Variants in KIAA0825 observed in about 807,000 individuals in gnomAD.
KIAA0825 encodes KIAA0825.
KIAA0825 carries 119 observed loss-of-function variants against 147.6 expected under a neutral mutation model. The observed-to-expected ratio is 0.81, with a 90% CI of 0.69 to 0.94. The LOEUF (loss-of-function observed/expected upper bound fraction) is 0.94, where lower values mean the gene tolerates loss of function less well. Among genes scored for constraint, KIAA0825 ranks in the 40% least tolerant of loss-of-function variants. The pLI is 0.00. For synonymous variants in KIAA0825, 470 were observed against 518.1 expected, an observed-to-expected ratio of 0.91 and a Z score of 1.26; for missense variants, 1,381 against 1,472.7, an observed-to-expected ratio of 0.94 and a Z score of 1.02.
At chr5:94,209,063 G>GA (rs1772462790) in intron 20 of KIAA0825, among the ~76,000 whole-genome samples, 1 of 152,100 alleles carries the variant, frequency 6.6e-6, no homozygotes, top group Admixed American at 6.6e-5. Context: ...CAAACTTTAA[G>GA]AAAAAACCCA....
intron 14 of KIAA0825, among the ~76,000 whole-genome samples, chr5:94,428,143 T>TGTGTG (rs1554278268): frequency 7.4e-6 from 1 of 134,498 alleles, no homozygotes; most frequent in Non-Finnish European, 1.6e-5. Context: ...TAAGGTCTTG[T>TGTGTG]TGTGTGTGTG....
Position 94,417,350 on chromosome 5 carries a change from G to T in KIAA0825, c.2513C>A (p.Thr838Lys). The change falls in exon 15 of 21, where the codon ACA becomes AAA. Residue 838 changes from threonine (T) to lysine (K), a missense_variant. Coordinates refer to ENST00000682413, the MANE Select transcript of KIAA0825 (RefSeq NM_001145678.3). ...GGGTCCTTGGTTCAGGTTATTTTCTGTGTCGGAAACTTGTTCTTGAAAGGT... is the reference window on the plus strand; with the variant it reads ...GGGTCCTTGGTTCAGGTTATTTTCTTTGTCGGAAACTTGTTCTTGAAAGGT... ...LLKSSKQVSDTENNLNQGPSL... is the reference protein window; with the variant it reads ...LLKSSKQVSDKENNLNQGPSL... The T allele has an allele frequency of 6.5e-7, 1 of 1,544,100 alleles. No homozygotes were observed. The highest frequency in any genetic ancestry group is 8.8e-7 in the Non-Finnish European group (1 of 1,140,924).
At chr5:94,161,161 G>A (rs1767547061) in intron 20 of KIAA0825, among the ~76,000 whole-genome samples, 1 of 152,118 alleles carries the variant, frequency 6.6e-6, no homozygotes, top group African/African-American at 2.4e-5. Context: ...TGGACAGTGC[G>A]ATAATCTCCA....
At chr5:94,410,335 A>G (rs1362670841) in intron 15 of KIAA0825, among the ~76,000 whole-genome samples, 1 of 152,174 alleles carries the variant, frequency 6.6e-6, no homozygotes, top group Non-Finnish European at 1.5e-5. Flanking sequence ...GACCTACGGG[A>G]CAATGCCAAG....
chr5:94,425,659 C>T (rs1371644465), intron 14 of KIAA0825, among the ~76,000 whole-genome samples: 2 of 152,010 alleles, frequency 1.3e-5, no homozygotes, highest in East Asian at 1.9e-4. Context: ...CCCATATGGT[C>T]GTTCTATTTT....
chr5:94,506,666 AC>A, intron 5 of KIAA0825, among the ~76,000 whole-genome samples: 1 of 152,192 alleles, frequency 6.6e-6, no homozygotes, highest in Non-Finnish European at 1.5e-5. Context: ...TATTAAATAT[AC>A]TTTTTAAAAA....
At chr5:94,263,790 C>G (rs189282534) in intron 20 of KIAA0825, among the ~76,000 whole-genome samples, 1 of 152,212 alleles carries the variant, frequency 6.6e-6, no homozygotes, top group Non-Finnish European at 1.5e-5. Flanking sequence ...AGCTTGGATA[C>G]GTCCACTTTT....
chr5:94,549,903 A>C (rs777137624), intron 2 of KIAA0825, among the ~76,000 whole-genome samples: 8 of 152,184 alleles, frequency 5.3e-5, no homozygotes, highest in Admixed American at 1.3e-4. Context: ...TAAAAAAAGA[A>C]ATAATAAACA....
At chr5:94,156,081 T>C (rs1767007346) in intron 20 of KIAA0825, among the ~76,000 whole-genome samples, 2 of 152,240 alleles carry the variant, frequency 1.3e-5, no homozygotes, top group Admixed American at 1.3e-4. Context: ...TTAAGCATTC[T>C]TTTAAACACT....
intron 20 of KIAA0825, among the ~76,000 whole-genome samples, chr5:94,351,736 A>G (rs1037675762): frequency 6.6e-6 from 1 of 152,236 alleles, no homozygotes; most frequent in South Asian, 2.1e-4. Flanking sequence ...TGGTACAAAA[A>G]TAGGCACATA....
At chr5:94,346,847 C>T (rs1470723534) in intron 20 of KIAA0825, among the ~76,000 whole-genome samples, 1 of 152,166 alleles carries the variant, frequency 6.6e-6, no homozygotes, top group Non-Finnish European at 1.5e-5. Flanking sequence ...ATCCAGCGTG[C>T]GTACTCCACA....
rs542384146 is a variant in KIAA0825 at position 94,194,917 on chromosome 5, C to T, written c.3711-40793G>A. ...GCTAACTCTAGCTAAGTATATACTGCACTGCATGTCAGGCACTGGGGTACT... is the reference window on the plus strand; with the variant it reads ...GCTAACTCTAGCTAAGTATATACTGTACTGCATGTCAGGCACTGGGGTACT... On this transcript the variant is annotated intron_variant, in intron 20 of 20. Transcript: ENST00000682413. 9.2e-5 allele frequency among the ~76,000 whole-genome samples: 14 copies of T among 152,318 alleles called. No homozygotes were observed. In the East Asian group the frequency reaches 2.7e-3, roughly 29 times the overall value.
intron 2 of KIAA0825, among the ~76,000 whole-genome samples, chr5:94,565,637 T>G (rs1778578109): frequency 6.6e-6 from 1 of 152,158 alleles, no homozygotes; most frequent in Non-Finnish European, 1.5e-5. Flanking sequence ...CCACCGCACC[T>G]GGCTGCAAAA....
intron 12 of KIAA0825, among the ~76,000 whole-genome samples, chr5:94,457,553 C>T (rs1202964654): frequency 6.6e-6 from 1 of 152,190 alleles, no homozygotes; most frequent in Non-Finnish European, 1.5e-5. Flanking sequence ...GCGTTAGCAT[C>T]GTAGGGCCTC....
intron 20 of KIAA0825, among the ~76,000 whole-genome samples, chr5:94,186,360 C>G (rs1354875811): frequency 6.6e-6 from 1 of 152,060 alleles, no homozygotes; most frequent in Non-Finnish European, 1.5e-5. Flanking sequence ...TATTGGTGTA[C>G]AAATGCCAAT....
At chr5:94,469,857 C>T (rs1056279013) in intron 10 of KIAA0825, 104 bp downstream of exon 10, 89 of 834,676 alleles carry the variant, frequency 1.1e-4, no homozygotes, top group Middle Eastern at 2.5e-4. Flanking sequence ...TAACAGCCTT[C>T]GGGTATTAGT....
chr5:94,235,486 A>G (rs1047391009), intron 20 of KIAA0825, among the ~76,000 whole-genome samples: 11 of 152,244 alleles, frequency 7.2e-5, no homozygotes, highest in African/African-American at 2.7e-4. Context: ...TTAAGGAAAG[A>G]AGCTGTTTCT....
At chr5:94,258,565 T>C (rs773857326) in intron 20 of KIAA0825, among the ~76,000 whole-genome samples, 3 of 152,000 alleles carry the variant, frequency 2.0e-5, no homozygotes, top group Non-Finnish European at 4.4e-5. Flanking sequence ...TAAAATAATA[T>C]ACACTTATAT....
chr5:94,361,818 C>T (rs1257585491), intron 20 of KIAA0825, among the ~76,000 whole-genome samples: 1 of 152,154 alleles, frequency 6.6e-6, no homozygotes, highest in Non-Finnish European at 1.5e-5. Context: ...TCAGACCTGC[C>T]AGTTCAGAGC....
Sources: gnomAD v4.1 joint callset for allele counts (sites outside exome capture counted in the v4.1 genomes callset) on GRCh38, gnomAD v4.1.1 for gene constraint, MANE v1.5 for transcripts, NCBI Gene and HGNC (gene_info 2026-07-23, HGNC 2026-07-21) for gene names.